AXDND1: variants seen among roughly 807,000 people sequenced by gnomAD.
AXDND1 encodes axonemal dynein light chain domain containing 1, also known as axonemal dynein light chain domain-containing protein 1.
Under a neutral mutation model 137.5 loss-of-function variants are expected in AXDND1, and 110 were observed. The ratio of observed to expected loss-of-function variants is 0.80; its 90% CI spans 0.69 to 0.94. The LOEUF (loss-of-function observed/expected upper bound fraction) is 0.94. Ranked by LOEUF, AXDND1 falls within the 40% of genes least tolerant of loss-of-function variation. The pLI is 0.00. For missense variants in AXDND1, 1,191 were observed against 1,169.8 expected, an observed-to-expected ratio of 1.02 and a Z score of -0.26; for synonymous variants, 414 against 399.7, an observed-to-expected ratio of 1.04 and a Z score of -0.43.
intron 16 of AXDND1, among the ~76,000 whole-genome samples, chr1:179,460,665 A>C (rs1449522234): frequency 6.6e-6 from 1 of 152,222 alleles, no homozygotes; most frequent in Non-Finnish European, 1.5e-5. Flanking sequence ...CAGTCCCAAC[A>C]ACAGTGTAAA....
chr1:179,473,422 C>T lies in AXDND1; in HGVS notation c.1997+4781C>T, dbSNP rs578193890. 1.4e-4 allele frequency among the ~76,000 whole-genome samples: 21 copies of T among 152,006 alleles called. No individual in the cohort carries two copies. In the South Asian group the frequency reaches 3.3e-3, roughly 24 times the overall value. ...CTGAGGCAGGAGAATTGCTTGAATC[C>T]AAGAGGTGGAGTTTGCAGTGAGCCG... On this transcript the variant is annotated intron_variant, in intron 17 of 25. Coordinates refer to ENST00000367618, the MANE Select transcript of AXDND1 (RefSeq NM_144696.6).
intron 4 of AXDND1, among the ~76,000 whole-genome samples, chr1:179,373,825 T>C (rs1207217992): frequency 6.6e-6 from 1 of 152,080 alleles, no homozygotes; most frequent in East Asian, 1.9e-4. Context: ...CAAAAATTAA[T>C]TCAAGATGGA....
intron 11 of AXDND1, 131 bp from the exon 12 acceptor site, chr1:179,411,015 C>A: frequency 3.1e-6 from 2 of 650,454 alleles, no homozygotes; most frequent in Non-Finnish European, 2.4e-6. Context: ...AGCAATTATA[C>A]CATAATTACC....
chr1:179,366,364 CTT>C (rs35129223), intron 1 of AXDND1, 38 bp from the exon 2 acceptor site: 425 of 490,522 alleles, frequency 8.7e-4, no homozygotes, highest in Middle Eastern at 1.6e-3. Context: ...TAGTTGTCAT[CTT>C]TTTTTTTTTT....
intron 20 of AXDND1, among the ~76,000 whole-genome samples, chr1:179,495,896 C>CTTTTTTTTT (rs34788199): frequency 8.6e-6 from 1 of 116,440 alleles, no homozygotes; most frequent in African/African-American, 3.1e-5. Flanking sequence ...GCTGAAAATT[C>CTTTTTTTTT]TTTTTTTTTT....
chr1:179,421,367 C>CTTTTTTTTTTT (rs199703017), intron 12 of AXDND1, among the ~76,000 whole-genome samples: 4 of 107,212 alleles, frequency 3.7e-5, no homozygotes, highest in African/African-American at 8.2e-5. Context: ...TTTTCTTTTC[C>CTTTTTTTTTTT]TTTTTTTTTT....
chr1:179,474,058 C>G (rs769406316), intron 17 of AXDND1, among the ~76,000 whole-genome samples: 2 of 151,988 alleles, frequency 1.3e-5, no homozygotes, highest in African/African-American at 4.8e-5. Flanking sequence ...ACCCCCGTCT[C>G]TACTAAAAAT....
At chr1:179,446,392 T>C (rs1659731980) in intron 16 of AXDND1, among the ~76,000 whole-genome samples, 2 of 152,218 alleles carry the variant, frequency 1.3e-5, no homozygotes, top group African/African-American at 4.8e-5. Flanking sequence ...CTATCTGAGA[T>C]ATTATTCTGT....
At chr1:179,382,792 A>C in intron 7 of AXDND1, 36 bp downstream of exon 7, 1 of 1,479,644 alleles carries the variant, frequency 6.8e-7, no homozygotes, top group Non-Finnish European at 9.4e-7. Flanking sequence ...CTTTCTCAGA[A>C]AGAATACCTA....
chr1:179,549,718 A>G (rs531059884), intron 25 of AXDND1, among the ~76,000 whole-genome samples: 1 of 152,070 alleles, frequency 6.6e-6, no homozygotes, highest in African/African-American at 2.4e-5. Flanking sequence ...GTGACCAACA[A>G]CCCTCGGTGC....
chr1:179,553,523 G>A lies in AXDND1; in HGVS notation c.3032-989G>A, dbSNP rs184898336. 3.6e-3 allele frequency among the ~76,000 whole-genome samples: 544 copies of A among 152,326 alleles called. 2 individuals carry two copies. Among genetic ancestry groups the A allele is most frequent in the African/African-American group, 0.012 (509 of 41,572 alleles). ...AGACACAAAAAGCCATATATTGTAT[G>A]ATTCCATTTATGTGAAATGTCCAGA... is the stretch of plus-strand genomic sequence containing the variant. On this transcript the variant is annotated intron_variant, in intron 25 of 25. Transcript: ENST00000367618.
intron 11 of AXDND1, among the ~76,000 whole-genome samples, chr1:179,401,810 A>C (rs1214178017): frequency 6.6e-6 from 1 of 151,966 alleles, no homozygotes; most frequent in Non-Finnish European, 1.5e-5. Context: ...TTCACCTTCC[A>C]CCATGATTGT....
At chr1:179,548,554 T>C (rs1194284508) in intron 25 of AXDND1, 3 of 152,186 alleles carry the variant, frequency 2.0e-5, no homozygotes, top group Non-Finnish European at 4.4e-5. Flanking sequence ...TTCCATGTCC[T>C]TTACTTAATG....
intron 14 of AXDND1, among the ~76,000 whole-genome samples, chr1:179,431,207 T>A (rs1043300734): frequency 3.3e-5 from 5 of 152,184 alleles, no homozygotes; most frequent in Non-Finnish European, 7.3e-5. Context: ...AGTGGCGCAA[T>A]CTTGGCTCAC....
intron 21 of AXDND1, among the ~76,000 whole-genome samples, chr1:179,514,994 G>A (rs1412004988): frequency 6.6e-6 from 1 of 152,138 alleles, no homozygotes; most frequent in South Asian, 2.1e-4. Context: ...CAGATGGTTG[G>A]TGAGTTCTTA....
At chr1:179,485,666 C>G (rs1005287839) in intron 18 of AXDND1, among the ~76,000 whole-genome samples, 3 of 152,118 alleles carry the variant, frequency 2.0e-5, no homozygotes, top group African/African-American at 7.2e-5. Context: ...CCACACTGTT[C>G]CCCAGCAATG....
chr1:179,447,887 A>C, intron 16 of AXDND1: 1 of 1,353,720 alleles, frequency 7.4e-7, no homozygotes, highest in Non-Finnish European at 1.1e-6. Context: ...GCTCCAGGGG[A>C]CACATTTCTA....
At chr1:179,373,330 CACAA>C (rs1475620843) in intron 4 of AXDND1, among the ~76,000 whole-genome samples, 1 of 152,126 alleles carries the variant, frequency 6.6e-6, no homozygotes, top group Non-Finnish European at 1.5e-5. Context: ...TAAAAGAGAA[CACAA>C]ACAAATGGAA....
In AXDND1 at chr1:179,534,797, A is replaced by G. The variant is rs1414557760; in HGVS notation, c.2866A>G (p.Thr956Ala). The change falls in exon 25 of 26, where the codon ACC (threonine) becomes GCC (alanine). Residue 956 changes from threonine to alanine, a missense_variant. Thr to Ala is a moderately conservative substitution (Grantham distance 58). Transcript: ENST00000367618. ...AGATGCATATGAGAAACTTCATCAT[A>G]CCCTTATAAAAAATAAAGATCTAGA... ...FEDAYEKLHH[T>A]LIKNKDLEEL... is the part of the protein sequence containing the mutation. 19 of 1,606,522 alleles carry G rather than the reference A, an allele frequency of 1.2e-5. No homozygotes were observed. The highest frequency in any genetic ancestry group is 1.6e-5 in the Non-Finnish European group (19 of 1,178,456).
Sources: gnomAD v4.1 joint callset for allele counts (sites outside exome capture counted in the v4.1 genomes callset) on GRCh38, gnomAD v4.1.1 for gene constraint, MANE v1.5 for transcripts, NCBI Gene and HGNC (gene_info 2026-07-23, HGNC 2026-07-21) for gene names.